Variants in EBPL observed in about 807,000 individuals in gnomAD.
EBPL encodes the protein emopamil-binding protein-like.
In EBPL, 20 loss-of-function variants were observed where a neutral mutation model predicts 19.0. The observed-to-expected ratio is 1.05, with a 90% CI of 0.74 to 1.53. The LOEUF (loss-of-function observed/expected upper bound fraction) is 1.53. EBPL is among the 40% of genes most tolerant of loss of function. The pLI is 0.00. For synonymous variants in EBPL, 107 were observed against 117.0 expected (o/e 0.91, Z 0.55); for missense variants, 219 against 261.1 (o/e 0.84, Z 1.11).
At chr13:49,665,481 G>A (rs971691231) in intron 2 of EBPL, among the ~76,000 whole-genome samples, 2 of 152,188 alleles carry the variant, frequency 1.3e-5, no homozygotes, top group African/African-American at 4.8e-5. Flanking sequence ...ATGTTGGTCA[G>A]GCTGGTCTTG....
At chr13:49,682,793 G>C (rs1336126894) in intron 1 of EBPL, among the ~76,000 whole-genome samples, 1 of 152,170 alleles carries the variant, frequency 6.6e-6, no homozygotes, top group Non-Finnish European at 1.5e-5. Context: ...GCAGGGGAAA[G>C]GGGCATGCCC....
Position 49,691,429 on chromosome 13 carries a change from C to T in EBPL, c.-5G>A. 1 of 1,336,168 alleles carries T rather than the reference C, an allele frequency of 7.5e-7. No homozygotes were observed. Among genetic ancestry groups the T allele is most frequent in the Non-Finnish European group, 9.6e-7 (1 of 1,045,216 alleles). The allele number at this position is 1,336,168 out of a possible 1,614,324, so 82.8% of individuals were successfully genotyped here. A position where few individuals can be genotyped will look rare whatever the true frequency, so the allele number is the denominator to read the frequency against. The stretch of plus-strand genomic sequence containing the variant: ...CAGCTCCCACTCAGCGCCCATGCTT[C>T]AGGCTTCCGACGCCAACGGCCCAGG... On this transcript the variant is annotated 5_prime_UTR_variant, in exon 1 of 4. Transcript: ENST00000242827.
intron 2 of EBPL, among the ~76,000 whole-genome samples, chr13:49,664,124 T>C (rs1335371160): frequency 3.3e-5 from 5 of 151,724 alleles, no homozygotes; most frequent in African/African-American, 9.7e-5. Context: ...TGGTGGCGCA[T>C]GCCTGTAATC....
At chr13:49,683,673 T>C (rs771985311) in intron 1 of EBPL, among the ~76,000 whole-genome samples, 7 of 152,174 alleles carry the variant, frequency 4.6e-5, no homozygotes, top group Non-Finnish European at 7.3e-5. Context: ...TCTATCAGAA[T>C]GACTAAAAAC....
intron 1 of EBPL, among the ~76,000 whole-genome samples, chr13:49,673,837 G>T (rs1176313893): frequency 6.6e-6 from 1 of 152,126 alleles, no homozygotes; most frequent in Non-Finnish European, 1.5e-5. Flanking sequence ...GGTGTGGGGT[G>T]GGGGGATGTG....
chr13:49,673,737 C>T (rs950907263), intron 1 of EBPL, among the ~76,000 whole-genome samples: 2 of 151,880 alleles, frequency 1.3e-5, no homozygotes, highest in African/African-American at 4.8e-5. Flanking sequence ...ATGGCCAACC[C>T]TGTGGTTACA....
At chr13:49,685,969 A>T (rs1030277895) in intron 1 of EBPL, among the ~76,000 whole-genome samples, 2 of 152,146 alleles carry the variant, frequency 1.3e-5, no homozygotes, top group Non-Finnish European at 2.9e-5. Flanking sequence ...AGCTTCAGAG[A>T]GGGCGTGGCA....
chr13:49,684,482 G>A (rs1953976336), intron 1 of EBPL, among the ~76,000 whole-genome samples: 1 of 152,112 alleles, frequency 6.6e-6, no homozygotes, highest in South Asian at 2.1e-4. Flanking sequence ...ACCAGCCTGG[G>A]CAACATGGTG....
At chr13:49,671,733 CTA>C (rs1431833123) in intron 1 of EBPL, among the ~76,000 whole-genome samples, 1 of 152,192 alleles carries the variant, frequency 6.6e-6, no homozygotes, top group African/African-American at 2.4e-5. Flanking sequence ...GACTTCCTTC[CTA>C]TAGATTGTAA....
intron 1 of EBPL, among the ~76,000 whole-genome samples, chr13:49,678,878 G>A (rs1214336972): frequency 6.6e-6 from 1 of 151,800 alleles, no homozygotes; most frequent in African/African-American, 2.4e-5. Context: ...AGGCATGGGT[G>A]GCACGCGCCT....
At chr13:49,678,407 G>A (rs1477231906) in intron 1 of EBPL, among the ~76,000 whole-genome samples, 1 of 152,226 alleles carries the variant, frequency 6.6e-6, no homozygotes, top group African/African-American at 2.4e-5. Context: ...AGGAGCGGGG[G>A]TGGTGCCGGC....
At chr13:49,667,746 A>G (rs376491949) in intron 2 of EBPL, among the ~76,000 whole-genome samples, 22 of 152,202 alleles carry the variant, frequency 1.4e-4, no homozygotes, top group Admixed American at 7.2e-4. Context: ...CAGCCTCCCA[A>G]GTAGCTGGGG....
In EBPL at chr13:49,691,287, C is replaced by T; in HGVS notation, c.138G>A (p.Trp46Ter). Residue 46 changes from tryptophan to a stop codon, truncating the protein, a stop_gained, in exon 1 of 4, where the codon TGG (tryptophan) becomes TGA (stop). Transcript: ENST00000242827. LOFTEE classifies it high-confidence loss of function. ...QGAADRGALI[W>*]LCYDALVHFA... Reference sequence around the variant, plus strand: ...AGTGCACCAGCGCGTCGTAGCAGAGCCAGATGAGCGCCCCGCGGTCCGCCG... The same window carrying T: ...AGTGCACCAGCGCGTCGTAGCAGAGTCAGATGAGCGCCCCGCGGTCCGCCG... 2.1e-6 allele frequency: 3 copies of T among 1,396,426 alleles called. No homozygotes were observed. Among genetic ancestry groups the T allele is most frequent in the Non-Finnish European group, 1.9e-6 (2 of 1,069,742 alleles). 86.5% of individuals were successfully genotyped at this position (1,396,426 alleles called of 1,614,324 possible). A position where few individuals can be genotyped will look rare whatever the true frequency, so the allele number is the denominator to read the frequency against.
intron 2 of EBPL, among the ~76,000 whole-genome samples, chr13:49,668,726 T>G (rs1227665929): frequency 6.6e-6 from 1 of 152,036 alleles, no homozygotes; most frequent in Non-Finnish European, 1.5e-5. Context: ...TCAATGCTAA[T>G]TGAATATTGA....
chr13:49,676,857 T>C (rs905090623), intron 1 of EBPL, among the ~76,000 whole-genome samples: 23 of 152,340 alleles, frequency 1.5e-4, no homozygotes, highest in South Asian at 1.4e-3. Context: ...TTTCCACAGC[T>C]ATCCCTGAAT....
intron 1 of EBPL, among the ~76,000 whole-genome samples, chr13:49,674,236 G>A (rs774179776): frequency 6.6e-6 from 1 of 152,050 alleles, no homozygotes; most frequent in Non-Finnish European, 1.5e-5. Flanking sequence ...CCAAGTAGCT[G>A]GGGTTACAGG....
chr13:49,686,724 C>T, intron 1 of EBPL: 1 of 873,324 alleles, frequency 1.1e-6, no homozygotes, highest in South Asian at 1.7e-5. Context: ...AAAAGAATTC[C>T]CAGCACTCTC....
At chr13:49,664,118 GGC>G (rs1965191273) in intron 2 of EBPL, among the ~76,000 whole-genome samples, 1 of 151,996 alleles carries the variant, frequency 6.6e-6, no homozygotes, top group African/African-American at 2.4e-5. Flanking sequence ...TGGGCGTGGT[GGC>G]GCATGCCTGT....
rs375140512 is a variant in EBPL, at chr13:49,671,286, T to C, written c.172-1440A>G. Among the ~76,000 whole-genome samples the C allele has an allele frequency of 1.4e-4, 21 of 152,282 alleles. 1 individual carries two copies. In the South Asian group the frequency reaches 4.1e-3, roughly 30 times the overall value. On this transcript the variant is annotated intron_variant, in intron 1 of 3. Coordinates refer to ENST00000242827, the MANE Select transcript of EBPL (RefSeq NM_032565.5). The stretch of plus-strand genomic sequence containing the variant: ...TCAAGTAGCTGGGACCACAGGCGTG[T>C]GACACCACATTCAGCTAATTTTTGT...
Sources: allele counts gnomAD v4.1 joint callset (sites outside exome capture counted in the v4.1 genomes callset), GRCh38; gene constraint gnomAD v4.1.1; transcripts MANE v1.5; gene names NCBI Gene and HGNC (gene_info 2026-07-23, HGNC 2026-07-21).